SLC1A2: variants seen among roughly 807,000 people sequenced by gnomAD.
The protein encoded by SLC1A2 is solute carrier family 1 member 2, also known as excitatory amino acid transporter 2.
In SLC1A2, 15 loss-of-function variants were observed where a neutral mutation model predicts 48.8. The observed-to-expected ratio is 0.31, with a 90% CI of 0.21 to 0.47. The LOEUF (loss-of-function observed/expected upper bound fraction) is 0.47, where lower values mean the gene tolerates loss of function less well. SLC1A2 is among the 20% of genes least tolerant of loss of function. SLC1A2 has a pLI of 0.99. For synonymous variants in SLC1A2, 279 were observed against 272.6 expected, an observed-to-expected ratio of 1.02 and a Z score of -0.23; for missense variants, 502 against 730.5, an observed-to-expected ratio of 0.69 and a Z score of 3.61.
intron 1 of SLC1A2, among the ~76,000 whole-genome samples, chr11:35,407,002 A>G (rs1008760408): frequency 2.0e-5 from 3 of 152,310 alleles, no homozygotes; most frequent in Non-Finnish European, 4.4e-5. Context: ...CAAACTATGC[A>G]AGAGCATAAA....
chr11:35,360,669 T>C (rs1325223708), intron 1 of SLC1A2, among the ~76,000 whole-genome samples: 1 of 152,168 alleles, frequency 6.6e-6, no homozygotes, highest in Non-Finnish European at 1.5e-5. Flanking sequence ...CATAGCTTAA[T>C]TTACTCCTGG....
At chr11:35,326,678 A>T (rs1852263146) in intron 1 of SLC1A2, among the ~76,000 whole-genome samples, 2 of 152,326 alleles carry the variant, frequency 1.3e-5, no homozygotes, top group Middle Eastern at 3.4e-3. Flanking sequence ...TGACCTTGCA[A>T]ATTGCAAGAT....
At position 35,330,988 on chromosome 11, in the gene SLC1A2, CA is replaced by C. The variant is rs1197462198; in HGVS notation, c.18-13473del. Among the ~76,000 whole-genome samples the C allele has an allele frequency of 2.6e-5, 4 of 152,270 alleles. No individual in the cohort carries two copies. In the South Asian group the frequency reaches 8.3e-4, roughly 32 times the overall value. On this transcript the variant is annotated intron_variant, in intron 1 of 10. Coordinates refer to ENST00000278379, the MANE Select transcript of SLC1A2 (RefSeq NM_004171.4). ...CAACAATGGGAAACTAAGGTAGTAC[CA>C]GACCTTATGCTACACTATCTCATTT...
At chr11:35,382,885 G>C (rs547194385) in intron 1 of SLC1A2, among the ~76,000 whole-genome samples, 1 of 152,138 alleles carries the variant, frequency 6.6e-6, no homozygotes, top group African/African-American at 2.4e-5. Context: ...AGCTCTCTAG[G>C]AGTGAAAAAA....
At chr11:35,309,556 G>A (rs1851622204) in intron 4 of SLC1A2, among the ~76,000 whole-genome samples, 1 of 152,150 alleles carries the variant, frequency 6.6e-6, no homozygotes, top group South Asian at 2.1e-4. Context: ...CTTAACTTGG[G>A]CAAACCAGGC....
At chr11:35,400,522 T>G (rs1369891685) in intron 1 of SLC1A2, among the ~76,000 whole-genome samples, 1 of 152,236 alleles carries the variant, frequency 6.6e-6, no homozygotes, top group Non-Finnish European at 1.5e-5. Flanking sequence ...GTGGAGTTTT[T>G]GAAGATCATG....
chr11:35,265,774 A>C lies in SLC1A2; in HGVS notation c.1422-16T>G. The stretch of plus-strand genomic sequence containing the variant: ...CATCCTGTCCCTGGGGACAAAGAAC[A>C]GAAAAGGTTCAGTGAGGAAGCAGTA... On this transcript the variant is annotated splice_polypyrimidine_tract_variant and intron_variant, in intron 9 of 10. Coordinates refer to ENST00000278379, the MANE Select transcript of SLC1A2 (RefSeq NM_004171.4). 1 of 1,545,808 alleles carries C rather than the reference A, an allele frequency of 6.5e-7. No homozygotes were observed. Among genetic ancestry groups the C allele is most frequent in the Non-Finnish European group, 8.9e-7 (1 of 1,120,406 alleles).
chr11:35,276,041 C>T (rs1850429823), intron 9 of SLC1A2, among the ~76,000 whole-genome samples: 1 of 152,090 alleles, frequency 6.6e-6, no homozygotes, highest in Non-Finnish European at 1.5e-5. Flanking sequence ...TCTACCCTTC[C>T]TTTTTCTTTT....
At chr11:35,284,086 A>ATT (rs1211770340) in intron 8 of SLC1A2, among the ~76,000 whole-genome samples, 2,166 of 63,392 alleles carry the variant, frequency 0.034, 43 homozygotes, top group Admixed American at 0.047. Context: ...TGAAGATTTT[A>ATT]TTATATATAT....
At chr11:35,265,229 C>T in intron 10 of SLC1A2, 1 of 475,242 alleles carries the variant, frequency 2.1e-6, no homozygotes, top group African/African-American at 2.0e-5. Flanking sequence ...GCGAAATATT[C>T]AAGACAACTG....
intron 7 of SLC1A2, chr11:35,291,386 C>A (rs1413505933): frequency 1.3e-5 from 2 of 151,990 alleles, no homozygotes; most frequent in African/African-American, 4.8e-5. Context: ...CACAGACTAC[C>A]GAATAGCTGG....
At chr11:35,265,793 A>G in intron 9 of SLC1A2, 35 bp from the exon 10 acceptor site, 1 of 1,387,264 alleles carries the variant, frequency 7.2e-7, no homozygotes, top group Non-Finnish European at 1.0e-6. Flanking sequence ...TCAGTGAGGA[A>G]GCAGTATTAT....
intron 1 of SLC1A2, among the ~76,000 whole-genome samples, chr11:35,333,331 C>T (rs1341979019): frequency 6.6e-6 from 1 of 151,520 alleles, no homozygotes; most frequent in African/African-American, 2.4e-5. Context: ...GCAGGAGAAT[C>T]ACTTGAACCT....
chr11:35,401,430 T>C (rs1287848913), intron 1 of SLC1A2, among the ~76,000 whole-genome samples: 1 of 152,178 alleles, frequency 6.6e-6, no homozygotes, highest in Non-Finnish European at 1.5e-5. Flanking sequence ...AGAGTCTTTT[T>C]TGTCAGTCTT....
chr11:35,294,057 G>A (rs770254418), intron 6 of SLC1A2, among the ~76,000 whole-genome samples: 14 of 152,068 alleles, frequency 9.2e-5, no homozygotes, highest in Admixed American at 3.9e-4. Flanking sequence ...TCTGAGTCCC[G>A]ACAAAGGCAT....
chr11:35,268,102 T>A (rs973671394), intron 9 of SLC1A2, among the ~76,000 whole-genome samples: 1 of 152,224 alleles, frequency 6.6e-6, no homozygotes, highest in East Asian at 1.9e-4. Context: ...GATTCCATGT[T>A]TTTTTCTTCT....
chr11:35,287,215 T>C (rs1482874144), intron 7 of SLC1A2, among the ~76,000 whole-genome samples: 1 of 152,154 alleles, frequency 6.6e-6, no homozygotes, highest in Non-Finnish European at 1.5e-5. Context: ...TGAAGATTTT[T>C]TCTTTTGGCC....
Position 35,254,604 on chromosome 11 carries a change from G to A in SLC1A2, c.*6290C>T, listed in dbSNP as rs190587837. 1.3e-3 allele frequency: 429 copies of A among 325,500 alleles called. 2 individuals carry two copies. The highest frequency in any genetic ancestry group is 8.8e-3 in the African/African-American group (400 of 45,526). 20.2% of individuals were successfully genotyped at this position (325,500 alleles called of 1,614,324 possible). A position where few individuals can be genotyped will look rare whatever the true frequency, so the allele number is the denominator to read the frequency against. ...GAAACAGTGCCCCAGAAGGAGTGAG[G>A]CTCCGACTGCAACATCTCCATCTCC... On this transcript the variant is annotated 3_prime_UTR_variant, in exon 11 of 11. Coordinates refer to ENST00000278379, the MANE Select transcript of SLC1A2 (RefSeq NM_004171.4).
chr11:35,417,701 A>G (rs941079238), intron 1 of SLC1A2, among the ~76,000 whole-genome samples: 2 of 152,252 alleles, frequency 1.3e-5, no homozygotes, highest in African/African-American at 2.4e-5. Context: ...ATTTCATGCA[A>G]TGACAAGATG....
Sources: allele counts gnomAD v4.1 joint callset (sites outside exome capture counted in the v4.1 genomes callset), GRCh38; gene constraint gnomAD v4.1.1; transcripts MANE v1.5; gene names NCBI Gene and HGNC (gene_info 2026-07-23, HGNC 2026-07-21).